Variants in SYT1 observed in about 807,000 individuals in gnomAD.
SYT1 encodes synaptotagmin 1, also known as synaptotagmin-1.
In SYT1, 8 loss-of-function variants were observed where a neutral mutation model predicts 44.8. The ratio of observed to expected loss-of-function variants is 0.18; its 90% CI spans 0.10 to 0.32. The LOEUF (loss-of-function observed/expected upper bound fraction) is 0.32, where lower values mean the gene tolerates loss of function less well. Ranked by LOEUF, SYT1 falls within the 10% of genes least tolerant of loss-of-function variation. The pLI, the probability that SYT1 is intolerant of heterozygous loss-of-function variation, is 1.00. For synonymous variants in SYT1, 154 were observed against 188.8 expected (o/e 0.82, Z 1.51); for missense variants, 286 against 509.3 (o/e 0.56, Z 4.22).
chr12:79,055,391 A>T (rs1449333160), intron 3 of SYT1, among the ~76,000 whole-genome samples: 1 of 152,038 alleles, frequency 6.6e-6, no homozygotes, highest in Non-Finnish European at 1.5e-5. Context: ...TTTAACCAGC[A>T]TTTACAGTTT....
intron 9 of SYT1, among the ~76,000 whole-genome samples, chr12:79,383,093 G>T (rs1194183282): frequency 6.6e-6 from 1 of 152,182 alleles, no homozygotes; most frequent in Non-Finnish European, 1.5e-5. Context: ...ATACAGTCAC[G>T]TGGGATACAG....
chr12:78,944,009 T>C (rs559431209), intron 1 of SYT1, among the ~76,000 whole-genome samples: 1 of 152,284 alleles, frequency 6.6e-6, no homozygotes, highest in South Asian at 2.1e-4. Context: ...TGAATGATGA[T>C]ATCTCATAAA....
intron 3 of SYT1, among the ~76,000 whole-genome samples, chr12:79,159,082 T>C (rs1258720944): frequency 6.6e-6 from 1 of 152,104 alleles, no homozygotes; most frequent in Non-Finnish European, 1.5e-5. Flanking sequence ...TAGGACCAGA[T>C]TGGAAAAGGC....
intron 2 of SYT1, among the ~76,000 whole-genome samples, chr12:78,979,523 G>A: frequency 6.6e-6 from 1 of 152,064 alleles, no homozygotes; most frequent in East Asian, 1.9e-4. Context: ...CAAAATGAGA[G>A]CAAGGAAACA....
chr12:78,866,165 G>A (rs912488518), intron 1 of SYT1, among the ~76,000 whole-genome samples: 2 of 152,110 alleles, frequency 1.3e-5, no homozygotes, highest in African/African-American at 4.8e-5. Flanking sequence ...TTGTATGGAA[G>A]CTACATTTGT....
chr12:79,226,130 T>C (rs568737587), intron 4 of SYT1, among the ~76,000 whole-genome samples: 194 of 148,174 alleles, frequency 1.3e-3, no homozygotes, highest in African/African-American at 4.6e-3. Context: ...TCTTAGACTT[T>C]GAGGCCTTAA....
intron 4 of SYT1, among the ~76,000 whole-genome samples, chr12:79,247,833 G>A (rs373577147): frequency 2.0e-5 from 3 of 152,054 alleles, no homozygotes; most frequent in East Asian, 1.9e-4. Context: ...TTCAAAAACC[G>A]CAGGAAGCTA....
chr12:78,869,869 A>G (rs552075895), intron 1 of SYT1, among the ~76,000 whole-genome samples: 8 of 152,172 alleles, frequency 5.3e-5, no homozygotes, highest in Middle Eastern at 3.4e-3. Context: ...GGTTACTGCT[A>G]TTGCGGAAAT....
chr12:79,169,089 C>T (rs1042395727), intron 3 of SYT1, among the ~76,000 whole-genome samples: 6 of 151,998 alleles, frequency 3.9e-5, no homozygotes, highest in Non-Finnish European at 8.8e-5. Flanking sequence ...CAAGGGACAG[C>T]AGGAAGTCTG....
At chr12:79,228,075 CCTT>C (rs1875634314) in intron 4 of SYT1, among the ~76,000 whole-genome samples, 1 of 147,710 alleles carries the variant, frequency 6.8e-6, no homozygotes, top group Non-Finnish European at 1.5e-5. Flanking sequence ...CTTTCTCTCT[CCTT>C]CATTCCCTTT....
Position 79,353,493 on chromosome 12 carries a change from T to C in SYT1, c.811-9T>C. 2 of 1,599,146 alleles carry C rather than the reference T, an allele frequency of 1.3e-6. No homozygotes were observed. Among genetic ancestry groups the C allele is most frequent in the Non-Finnish European group, 1.7e-6 (2 of 1,166,454 alleles). On this transcript the variant is annotated splice_polypyrimidine_tract_variant and intron_variant, in intron 8 of 10. Coordinates refer to ENST00000261205, the MANE Select transcript of SYT1 (RefSeq NM_005639.3). ...AAAATTGCTAATACTTTCTTATTGG[T>C]TTTCTTAGCAAGAGAAATTGGGTGA...
At position 78,909,701 on chromosome 12, in the gene SYT1, A is replaced by G. The variant is rs1876205482; in HGVS notation, c.-217+44592A>G. 2.6e-5 allele frequency among the ~76,000 whole-genome samples: 4 copies of G among 151,980 alleles called. No homozygotes were observed. The South Asian group carries it at 6.2e-4, about 24-fold the overall frequency. ...AAATTACAGATAATGACTAATCAAT[A>G]TAATATCTACTTGTTTTCTTGAACA... On this transcript the variant is annotated intron_variant, in intron 1 of 10. Transcript: ENST00000261205.
At chr12:79,064,988 G>GAA (rs773702698) in intron 3 of SYT1, among the ~76,000 whole-genome samples, 1 of 137,518 alleles carries the variant, frequency 7.3e-6, no homozygotes, top group African/African-American at 2.7e-5. Context: ...AAGAAAGAAA[G>GAA]AAAGAAAGAA....
At chr12:78,915,362 G>A (rs1876591035) in intron 1 of SYT1, among the ~76,000 whole-genome samples, 1 of 151,956 alleles carries the variant, frequency 6.6e-6, no homozygotes, top group Non-Finnish European at 1.5e-5. Context: ...GAGTGATTTT[G>A]ATGCATAGCC....
At chr12:79,049,591 T>C (rs1018023526) in intron 3 of SYT1, among the ~76,000 whole-genome samples, 3 of 151,972 alleles carry the variant, frequency 2.0e-5, no homozygotes, top group African/African-American at 7.2e-5. Flanking sequence ...TCTTAAAATA[T>C]CTTAGCCACT....
chr12:79,047,416 C>T (rs1874151285), intron 3 of SYT1, 54 bp downstream of exon 3: 1 of 151,626 alleles, frequency 6.6e-6, no homozygotes, highest in African/African-American at 2.4e-5. Context: ...TTAGAGCTTA[C>T]AAATGTCTTT....
At chr12:78,877,250 G>A (rs1033797384) in intron 1 of SYT1, among the ~76,000 whole-genome samples, 3 of 151,398 alleles carry the variant, frequency 2.0e-5, no homozygotes, top group Non-Finnish European at 4.4e-5. Flanking sequence ...CTATGTGGCG[G>A]TAGGCAAAGA....
At chr12:79,178,301 C>T (rs915533831) in intron 3 of SYT1, among the ~76,000 whole-genome samples, 2 of 151,936 alleles carry the variant, frequency 1.3e-5, no homozygotes, top group African/African-American at 2.4e-5. Flanking sequence ...TAGTATCACT[C>T]AGCCACATAG....
chr12:79,146,897 A>G (rs747114905), intron 3 of SYT1, among the ~76,000 whole-genome samples: 2 of 152,218 alleles, frequency 1.3e-5, no homozygotes, highest in Admixed American at 6.5e-5. Flanking sequence ...CTAGAGCACA[A>G]TGGCACGATC....
Sources: allele counts gnomAD v4.1 joint callset (sites outside exome capture counted in the v4.1 genomes callset), GRCh38; gene constraint gnomAD v4.1.1; transcripts MANE v1.5; gene names NCBI Gene and HGNC (gene_info 2026-07-23, HGNC 2026-07-21).